Variants in INPP4B observed in about 807,000 individuals in gnomAD.
The protein encoded by INPP4B is inositol polyphosphate 4-phosphatase type II.
A neutral mutation model predicts 122.5 loss-of-function variants in INPP4B; 55 were observed. The ratio of observed to expected loss-of-function variants is 0.45; its 90% CI spans 0.36 to 0.56. The LOEUF (loss-of-function observed/expected upper bound fraction) is 0.56, where lower values mean the gene tolerates loss of function less well. INPP4B is among the 20% of genes least tolerant of loss of function. The pLI, the probability that INPP4B is intolerant of heterozygous loss-of-function variation, is 0.00. For synonymous variants in INPP4B, 403 were observed against 388.7 expected, an observed-to-expected ratio of 1.04 and a Z score of -0.43; for missense variants, 1,000 against 1,097.7, an observed-to-expected ratio of 0.91 and a Z score of 1.26.
chr4:142,069,235 G>A (rs1255057611), intron 25 of INPP4B, among the ~76,000 whole-genome samples: 8 of 152,114 alleles, frequency 5.3e-5, no homozygotes, highest in South Asian at 2.1e-4. Flanking sequence ...AATGACTACT[G>A]GGTACATAAC....
intron 2 of INPP4B, among the ~76,000 whole-genome samples, chr4:142,676,522 CA>C: frequency 6.6e-6 from 1 of 152,128 alleles, no homozygotes; most frequent in Middle Eastern, 3.4e-3. Context: ...AAAATGAGCC[CA>C]TATAGCCAAG....
At chr4:142,467,402 A>G (rs1361791418) in intron 2 of INPP4B, among the ~76,000 whole-genome samples, 1 of 152,162 alleles carries the variant, frequency 6.6e-6, no homozygotes, top group East Asian at 1.9e-4. Context: ...ATTTAATGAT[A>G]GCCTTGCTGG....
chr4:142,629,314 G>A (rs1747371561), intron 2 of INPP4B, among the ~76,000 whole-genome samples: 1 of 152,016 alleles, frequency 6.6e-6, no homozygotes, highest in Admixed American at 6.6e-5. Context: ...TTTTAGGTGT[G>A]GCAAACTGTA....
At chr4:142,089,748 C>A (rs1356356877) in intron 23 of INPP4B, among the ~76,000 whole-genome samples, 2 of 152,106 alleles carry the variant, frequency 1.3e-5, no homozygotes, top group South Asian at 2.1e-4. Flanking sequence ...ACATTGCACT[C>A]GAAATTTTTG....
At chr4:142,687,125 G>C (rs1759460497) in intron 2 of INPP4B, among the ~76,000 whole-genome samples, 1 of 151,990 alleles carries the variant, frequency 6.6e-6, no homozygotes, top group Non-Finnish European at 1.5e-5. Flanking sequence ...TGGATGCTAA[G>C]AGTTACTAAG....
At chr4:142,047,473 GA>G (rs1374105512) in intron 25 of INPP4B, among the ~76,000 whole-genome samples, 3 of 151,998 alleles carry the variant, frequency 2.0e-5, no homozygotes, top group African/African-American at 7.2e-5. Context: ...GTTAAATTTA[GA>G]AGGCACCCTT....
intron 18 of INPP4B, among the ~76,000 whole-genome samples, chr4:142,139,833 G>A (rs1008426983): frequency 2.0e-5 from 3 of 152,058 alleles, no homozygotes; most frequent in East Asian, 1.9e-4. Flanking sequence ...TGCGTTTGTC[G>A]GTTTGTTTGC....
At chr4:142,838,049 G>T (rs769072539) in intron 1 of INPP4B, among the ~76,000 whole-genome samples, 13 of 143,986 alleles carry the variant, frequency 9.0e-5, no homozygotes. Context: ...TTTTTTTTAA[G>T]TATTTATTGC....
At chr4:142,684,178 G>GT (rs754324082) in intron 2 of INPP4B, among the ~76,000 whole-genome samples, 8 of 152,060 alleles carry the variant, frequency 5.3e-5, no homozygotes, top group Non-Finnish European at 1.0e-4. Context: ...ATGTTTGCAA[G>GT]TGGGAGAGTT....
chr4:142,586,345 A>G (rs1244647969), intron 2 of INPP4B, among the ~76,000 whole-genome samples: 1 of 151,964 alleles, frequency 6.6e-6, no homozygotes, highest in Non-Finnish European at 1.5e-5. Flanking sequence ...CAACAACAAC[A>G]ACGACAACAA....
chr4:142,203,894 C>T (rs1325163591), intron 14 of INPP4B, among the ~76,000 whole-genome samples: 1 of 152,020 alleles, frequency 6.6e-6, no homozygotes, highest in Admixed American at 6.6e-5. Context: ...AATGCCAAGG[C>T]TTAGCCCATC....
chr4:142,405,112 CG>C, intron 6 of INPP4B, 93 bp downstream of exon 6: 1 of 534,700 alleles, frequency 1.9e-6, no homozygotes, highest in Non-Finnish European at 3.2e-6. Flanking sequence ...AGAGATGGGG[CG>C]GGGGTGGGGG....
At chr4:142,748,883 T>TA (rs1034223095) in intron 1 of INPP4B, among the ~76,000 whole-genome samples, 4 of 151,956 alleles carry the variant, frequency 2.6e-5, no homozygotes. Context: ...TGCAGGCCTG[T>TA]AATCCCAGCA....
At position 142,831,971 on chromosome 4, in the gene INPP4B, G is replaced by A. The variant is rs145616624; in HGVS notation, c.-254+14238C>T. On this transcript the variant is annotated intron_variant, in intron 1 of 25. Coordinates refer to ENST00000262992, the MANE Select transcript of INPP4B (RefSeq NM_001101669.3). The stretch of plus-strand genomic sequence containing the variant: ...CTTAGCAGCATTAGCACCATCCAGC[G>A]TAAACAAACCCTTCCTAAAAATAAA... Among the ~76,000 whole-genome samples the A allele has an allele frequency of 5.4e-3, 818 of 152,254 alleles. 4 individuals are homozygous for A. Among genetic ancestry groups the A allele is most frequent in the African/African-American group, 0.019 (777 of 41,554 alleles).
chr4:142,124,565 T>C (rs1338582942), intron 19 of INPP4B, 23 bp downstream of exon 19: 1 of 1,604,900 alleles, frequency 6.2e-7, no homozygotes, highest in Non-Finnish European at 8.5e-7. Flanking sequence ...TGTTTTGTAC[T>C]AACAATAACA....
intron 25 of INPP4B, among the ~76,000 whole-genome samples, chr4:142,065,531 G>A (rs904323933): frequency 2.0e-5 from 3 of 152,016 alleles, no homozygotes; most frequent in African/African-American, 7.3e-5. Flanking sequence ...CTTTACAGAG[G>A]AATAAAAAAT....
At chr4:142,454,797 G>A (rs116703547) in intron 3 of INPP4B, among the ~76,000 whole-genome samples, 253 of 152,090 alleles carry the variant, frequency 1.7e-3, no homozygotes, top group African/African-American at 5.5e-3. Context: ...ATTCATACAT[G>A]CAAAGTTGTT....
At chr4:142,229,493 G>A (rs895720713) in intron 12 of INPP4B, among the ~76,000 whole-genome samples, 6 of 152,118 alleles carry the variant, frequency 3.9e-5, no homozygotes, top group African/African-American at 1.4e-4. Context: ...ATACCGCCCT[G>A]CTTTCCACAT....
chr4:142,240,150 G>A (rs1199612815), intron 11 of INPP4B, among the ~76,000 whole-genome samples: 2 of 145,406 alleles, frequency 1.4e-5, no homozygotes, highest in African/African-American at 2.6e-5. Flanking sequence ...TGATCTTCCT[G>A]TCTCATCCTC....
Sources: gnomAD v4.1 joint callset for allele counts (sites outside exome capture counted in the v4.1 genomes callset) on GRCh38, gnomAD v4.1.1 for gene constraint, MANE v1.5 for transcripts, NCBI Gene and HGNC (gene_info 2026-07-23, HGNC 2026-07-21) for gene names.